Variants in SLC4A10 observed in about 807,000 individuals in gnomAD.
The protein encoded by SLC4A10 is sodium-driven chloride bicarbonate exchanger.
A neutral mutation model predicts 137.7 loss-of-function variants in SLC4A10; 42 were observed. The ratio of observed to expected loss-of-function variants is 0.30; its 90% CI spans 0.24 to 0.39. The LOEUF (loss-of-function observed/expected upper bound fraction) is 0.39. SLC4A10 is among the 10% of genes least tolerant of loss of function. The pLI, the probability that SLC4A10 is intolerant of heterozygous loss-of-function variation, is 1.00. For synonymous variants in SLC4A10, 474 were observed against 464.1 expected (o/e 1.02, Z -0.27); for missense variants, 925 against 1,355.0 (o/e 0.68, Z 4.98).
rs1045790005 is a variant in SLC4A10 at position 161,870,257 on chromosome 2, T to C, written c.767-2036T>C. Among the ~76,000 whole-genome samples the C allele has an allele frequency of 4.0e-5, 6 of 151,728 alleles. No homozygotes were observed. The East Asian group carries it at 1.2e-3, about 29-fold the overall frequency. ...AAGGTAATTTATGAAATGCTCTGCT[T>C]AAAGTATACAAATGAAAACATAAGG... On this transcript the variant is annotated intron_variant, in intron 6 of 26. Transcript: ENST00000446997.
intron 1 of SLC4A10, among the ~76,000 whole-genome samples, chr2:161,636,722 C>T (rs567190035): frequency 1.3e-5 from 2 of 151,556 alleles, no homozygotes; most frequent in East Asian, 3.9e-4. Context: ...CAAGGTCTTG[C>T]TCTGTCACCC....
chr2:161,914,404 T>C (rs1686600891), intron 15 of SLC4A10, among the ~76,000 whole-genome samples: 1 of 152,192 alleles, frequency 6.6e-6, no homozygotes, highest in African/African-American at 2.4e-5. Flanking sequence ...TTAAATATTA[T>C]GAGAAGGGTC....
chr2:161,758,772 T>A (rs2049941506), intron 1 of SLC4A10, among the ~76,000 whole-genome samples: 1 of 151,962 alleles, frequency 6.6e-6, no homozygotes, highest in East Asian at 1.9e-4. Context: ...ATCCCCTTCT[T>A]ACAATTGACA....
chr2:161,676,384 C>T lies in SLC4A10; in HGVS notation c.48+51818C>T, dbSNP rs570241270. 2.6e-5 allele frequency among the ~76,000 whole-genome samples: 4 copies of T among 152,232 alleles called. No individual in the cohort carries two copies. The East Asian group carries it at 7.7e-4, about 29-fold the overall frequency. On this transcript the variant is annotated intron_variant, in intron 1 of 26. Coordinates refer to ENST00000446997, the MANE Select transcript of SLC4A10 (RefSeq NM_001178015.2). Reference sequence around the variant, plus strand: ...TTAAAATAATCTGGTCATTTATTGCCTATTTTTTGCTAGACTTTTGCTGGT... The same window carrying T: ...TTAAAATAATCTGGTCATTTATTGCTTATTTTTTGCTAGACTTTTGCTGGT...
At chr2:161,665,921 T>C (rs1404954991) in intron 1 of SLC4A10, among the ~76,000 whole-genome samples, 1 of 148,632 alleles carries the variant, frequency 6.7e-6, no homozygotes, top group African/African-American at 2.4e-5. Flanking sequence ...TGGAAAACCC[T>C]ATATATAGAC....
At chr2:161,770,767 C>A (rs2051491019) in intron 1 of SLC4A10, among the ~76,000 whole-genome samples, 1 of 151,720 alleles carries the variant, frequency 6.6e-6, no homozygotes, top group Non-Finnish European at 1.5e-5. Flanking sequence ...TATAAAAAAC[C>A]AGATGATATT....
chr2:161,943,607 A>G (rs1342559364), intron 16 of SLC4A10, among the ~76,000 whole-genome samples: 1 of 152,016 alleles, frequency 6.6e-6, no homozygotes, highest in Non-Finnish European at 1.5e-5. Flanking sequence ...TGGTTCAATA[A>G]AATCTTGTAA....
chr2:161,908,199 G>A (rs941645811), intron 15 of SLC4A10, among the ~76,000 whole-genome samples: 2 of 152,084 alleles, frequency 1.3e-5, no homozygotes, highest in Non-Finnish European at 2.9e-5. Flanking sequence ...ATGTCAGGTC[G>A]CAGAAGGCAA....
rs58808663 is a variant in SLC4A10, at chr2:161,828,767, CATATATATATATATATATAT to C, written c.278-10999_278-10980del. 1.9e-3 allele frequency among the ~76,000 whole-genome samples: 81 copies of C among 42,092 alleles called. 2 individuals carry two copies. Among genetic ancestry groups the C allele is most frequent in the East Asian group, 3.1e-3 (3 of 954 alleles). The allele number at this position is 42,092 out of a possible 152,430, so 27.6% of individuals were successfully genotyped here. On this transcript the variant is annotated intron_variant, in intron 3 of 26. Coordinates refer to ENST00000446997, the MANE Select transcript of SLC4A10 (RefSeq NM_001178015.2). ...CTTTTCCTTGGTTTTAATTCTAATT[CATATATATATATATATATAT>C]ATATATATATATATATATATATGTA... is the stretch of plus-strand genomic sequence containing the variant.
intron 1 of SLC4A10, among the ~76,000 whole-genome samples, chr2:161,742,640 A>G (rs2048028846): frequency 6.6e-6 from 1 of 151,640 alleles, no homozygotes; most frequent in Non-Finnish European, 1.5e-5. Context: ...GGGTTTCACC[A>G]TGTTGGCCAG....
At chr2:161,855,230 A>G in intron 5 of SLC4A10, 100 bp downstream of exon 5, 1 of 1,145,462 alleles carries the variant, frequency 8.7e-7, no homozygotes, top group South Asian at 1.8e-5. Flanking sequence ...TGGAAAACTA[A>G]TTCTCATAAT....
chr2:161,844,276 C>T (rs2059363068), intron 4 of SLC4A10, among the ~76,000 whole-genome samples: 1 of 152,080 alleles, frequency 6.6e-6, no homozygotes, highest in East Asian at 1.9e-4. Flanking sequence ...GGCATTTGAT[C>T]TTCAAAATTA....
At chr2:161,836,356 G>C (rs1028230109) in intron 3 of SLC4A10, among the ~76,000 whole-genome samples, 5 of 152,048 alleles carry the variant, frequency 3.3e-5, no homozygotes, top group African/African-American at 1.2e-4. Context: ...AAATTAGCTG[G>C]GTGTGGTGGT....
intron 1 of SLC4A10, among the ~76,000 whole-genome samples, chr2:161,687,093 G>T (rs939223425): frequency 3.2e-4 from 48 of 152,146 alleles, no homozygotes; most frequent in Admixed American, 2.9e-3. Flanking sequence ...ATGTTGGCCA[G>T]ACTGGTCTTG....
intron 4 of SLC4A10, among the ~76,000 whole-genome samples, chr2:161,841,938 A>G (rs1442752490): frequency 6.6e-6 from 1 of 152,214 alleles, no homozygotes; most frequent in Non-Finnish European, 1.5e-5. Context: ...AATAGGGATT[A>G]TATAATATAC....
chr2:161,711,037 A>G (rs1372392956), intron 1 of SLC4A10, among the ~76,000 whole-genome samples: 1 of 151,806 alleles, frequency 6.6e-6, no homozygotes, highest in Non-Finnish European at 1.5e-5. Flanking sequence ...AAATTTCTTG[A>G]TATTAGATAA....
chr2:161,828,126 A>G (rs1437960828), intron 3 of SLC4A10, among the ~76,000 whole-genome samples: 2 of 152,100 alleles, frequency 1.3e-5, no homozygotes, highest in African/African-American at 4.8e-5. Flanking sequence ...TTTCCCTTTA[A>G]TGAGATATTC....
intron 15 of SLC4A10, among the ~76,000 whole-genome samples, chr2:161,936,779 A>G (rs1266237049): frequency 6.6e-6 from 1 of 152,104 alleles, no homozygotes; most frequent in Non-Finnish European, 1.5e-5. Context: ...AGAATGTTCT[A>G]TTTCAACAAT....
chr2:161,699,342 T>C (rs374384804), intron 1 of SLC4A10, among the ~76,000 whole-genome samples: 64 of 152,216 alleles, frequency 4.2e-4, no homozygotes, highest in African/African-American at 1.5e-3. Context: ...ATTTCTCTTG[T>C]TTGAGTCACC....
Sources: gnomAD v4.1 joint callset for allele counts (sites outside exome capture counted in the v4.1 genomes callset) on GRCh38, gnomAD v4.1.1 for gene constraint, MANE v1.5 for transcripts, NCBI Gene and HGNC (gene_info 2026-07-23, HGNC 2026-07-21) for gene names.